Variants in TCAIM observed in about 807,000 individuals in gnomAD.
TCAIM encodes T cell activation inhibitor, mitochondrial, also known as T-cell activation inhibitor, mitochondrial.
TCAIM carries 36 observed loss-of-function variants against 58.6 expected under a neutral mutation model. That is an observed-to-expected ratio of 0.61 (90% confidence interval 0.47 to 0.81). The LOEUF (loss-of-function observed/expected upper bound fraction) is 0.81, where lower values mean the gene tolerates loss of function less well. Ranked by LOEUF, TCAIM falls within the 30% of genes least tolerant of loss-of-function variation. The pLI is 0.00. For missense variants in TCAIM, 466 were observed against 579.6 expected (o/e 0.80, Z 2.01); for synonymous variants, 172 against 193.6 (o/e 0.89, Z 0.93).
rs1701040320 is a variant in TCAIM, at chr3:44,349,452, GAGA to G, written c.-44-5281_-44-5279del. 3.3e-5 allele frequency among the ~76,000 whole-genome samples: 5 copies of G among 152,206 alleles called. No homozygotes were observed. The South Asian group carries it at 1.0e-3, about 32-fold the overall frequency. On this transcript the variant is annotated intron_variant, in intron 1 of 10. Transcript: ENST00000342649. ...AAGTTCTTGAGAACACAGGCTAAGG[GAGA>G]AGAAGGAGGAATGGAGGGTAGAAGG...
chr3:44,405,650 G>T (rs1022530072), intron 10 of TCAIM, among the ~76,000 whole-genome samples: 1 of 151,672 alleles, frequency 6.6e-6, no homozygotes, highest in Non-Finnish European at 1.5e-5. Flanking sequence ...CTCCAGCCTG[G>T]GCAACAGCAA....
chr3:44,387,908 T>G (rs1391843535), intron 5 of TCAIM, among the ~76,000 whole-genome samples: 2 of 152,054 alleles, frequency 1.3e-5, no homozygotes, highest in African/African-American at 4.8e-5. Context: ...AGTTAGAGAC[T>G]AAAATAAAAA....
intron 5 of TCAIM, among the ~76,000 whole-genome samples, chr3:44,387,867 C>T (rs1701769581): frequency 6.6e-6 from 1 of 152,058 alleles, no homozygotes; most frequent in Non-Finnish European, 1.5e-5. Context: ...GCCTGGGCAA[C>T]AGAGAAAGTC....
intron 10 of TCAIM, among the ~76,000 whole-genome samples, chr3:44,404,409 C>T (rs2125658450): frequency 6.6e-6 from 1 of 152,284 alleles, no homozygotes; most frequent in Middle Eastern, 3.4e-3. Flanking sequence ...AGGGGGCCTT[C>T]AGGAAATACC....
At chr3:44,407,348 C>T in intron 10 of TCAIM, 94 bp from the exon 11 acceptor site, 1 of 1,092,230 alleles carries the variant, frequency 9.2e-7, no homozygotes, top group Non-Finnish European at 1.3e-6. Context: ...AGTTAGGGCC[C>T]CAACATGTAA....
At chr3:44,400,632 G>A in intron 9 of TCAIM, 45 bp downstream of exon 9, 1 of 1,507,604 alleles carries the variant, frequency 6.6e-7, no homozygotes, top group Non-Finnish European at 9.2e-7. Context: ...CTTCGTCTAG[G>A]TGGGTTGTGT....
Position 44,379,432 on chromosome 3 carries a change from C to A in TCAIM, c.572+11724C>A, listed in dbSNP as rs1701620541. ...CACACATGCTGACATATCTTCATTGCAGCACTGTTCACAATAGCAAAAACA... is the reference window on the plus strand; with the variant it reads ...CACACATGCTGACATATCTTCATTGAAGCACTGTTCACAATAGCAAAAACA... On this transcript the variant is annotated intron_variant, in intron 5 of 10. Coordinates refer to ENST00000342649, the MANE Select transcript of TCAIM (RefSeq NM_173826.4). Among the ~76,000 whole-genome samples the A allele has an allele frequency of 3.9e-5, 6 of 152,126 alleles. No individual in the cohort carries two copies. The South Asian group carries it at 1.2e-3, about 32-fold the overall frequency.
intron 5 of TCAIM, among the ~76,000 whole-genome samples, chr3:44,370,102 G>A (rs1421449778): frequency 2.0e-5 from 3 of 152,082 alleles, no homozygotes; most frequent in African/African-American, 7.2e-5. Flanking sequence ...TTCCTCAAAA[G>A]TCAGCTTTGT....
intron 5 of TCAIM, among the ~76,000 whole-genome samples, chr3:44,371,330 T>C (rs895607611): frequency 6.6e-6 from 1 of 152,136 alleles, no homozygotes; most frequent in South Asian, 2.1e-4. Context: ...AGTGCTGGGA[T>C]TACAGACATG....
chr3:44,383,838 A>T (rs1009152129), intron 5 of TCAIM, among the ~76,000 whole-genome samples: 7 of 151,288 alleles, frequency 4.6e-5, no homozygotes, highest in Non-Finnish European at 1.0e-4. Flanking sequence ...AAAAAAATTT[A>T]AATTAGCCAA....
chr3:44,395,011 T>C (rs1412648543), intron 6 of TCAIM, among the ~76,000 whole-genome samples: 1 of 131,472 alleles, frequency 7.6e-6, no homozygotes, highest in Non-Finnish European at 1.6e-5. Context: ...TATAAAAGGG[T>C]CCCTGAGACC....
intron 2 of TCAIM, 38 bp from the exon 3 acceptor site, chr3:44,357,703 G>A: frequency 6.2e-7 from 1 of 1,609,898 alleles, no homozygotes. Context: ...GTGTGTGTGA[G>A]TGCCTCAATG....
chr3:44,342,789 A>G (rs1327535125), intron 1 of TCAIM, among the ~76,000 whole-genome samples: 2 of 151,538 alleles, frequency 1.3e-5, no homozygotes, highest in Non-Finnish European at 2.9e-5. Context: ...GGTAAAGTGC[A>G]TATATAAGTC....
chr3:44,348,185 A>G (rs528811166), intron 1 of TCAIM, among the ~76,000 whole-genome samples: 4 of 152,112 alleles, frequency 2.6e-5, no homozygotes, highest in Non-Finnish European at 5.9e-5. Flanking sequence ...TAGCCTCTGT[A>G]TTAAGAAGGG....
intron 5 of TCAIM, chr3:44,391,407 G>C (rs1416194119): frequency 1.3e-5 from 2 of 152,088 alleles, no homozygotes; most frequent in African/African-American, 4.8e-5. Flanking sequence ...GGTCAGGCTG[G>C]TCTCGAACTC....
At chr3:44,358,119 GT>G in intron 3 of TCAIM, 2 of 1,463,288 alleles carry the variant, frequency 1.4e-6, no homozygotes. Flanking sequence ...TAGTAATCAT[GT>G]TTTTGGTACC....
intron 1 of TCAIM, chr3:44,340,430 A>G (rs1700833344): frequency 1.3e-5 from 2 of 152,236 alleles, no homozygotes; most frequent in East Asian, 3.9e-4. Context: ...GCAGGCAGCC[A>G]TGCCTGCCAA....
intron 6 of TCAIM, among the ~76,000 whole-genome samples, chr3:44,395,702 AG>A (rs1466591447): frequency 1.3e-5 from 2 of 152,236 alleles, no homozygotes; most frequent in African/African-American, 4.8e-5. Context: ...AAAGAACCTG[AG>A]GTCAGGTACG....
At chr3:44,394,182 A>G (rs996491544) in intron 6 of TCAIM, among the ~76,000 whole-genome samples, 1 of 152,196 alleles carries the variant, frequency 6.6e-6, no homozygotes, top group South Asian at 2.1e-4. Context: ...TTTACAGAGT[A>G]CAGATAGTAT....
Sources: gnomAD v4.1 joint callset for allele counts (sites outside exome capture counted in the v4.1 genomes callset) on GRCh38, gnomAD v4.1.1 for gene constraint, MANE v1.5 for transcripts, NCBI Gene and HGNC (gene_info 2026-07-23, HGNC 2026-07-21) for gene names.